Variants in RASSF5 observed in about 807,000 individuals in gnomAD.
The protein encoded by RASSF5 is ras association domain-containing protein 5.
Under a neutral mutation model 40.5 loss-of-function variants are expected in RASSF5, and 25 were observed. The ratio of observed to expected loss-of-function variants is 0.62; its 90% CI spans 0.45 to 0.86. RASSF5 has a LOEUF of 0.86. RASSF5 is among the 40% of genes least tolerant of loss of function. The pLI is 0.00. For synonymous variants in RASSF5, 246 were observed against 252.4 expected, an observed-to-expected ratio of 0.97 and a Z score of 0.24; for missense variants, 521 against 572.8, an observed-to-expected ratio of 0.91 and a Z score of 0.92.
chr1:206,545,948 G>C (rs1455347627), intron 2 of RASSF5, among the ~76,000 whole-genome samples: 8 of 145,420 alleles, frequency 5.5e-5, no homozygotes, highest in African/African-American at 2.0e-4. Context: ...TATTGATATA[G>C]CTAGATTTTT....
intron 1 of RASSF5, among the ~76,000 whole-genome samples, chr1:206,524,418 A>T (rs1431617507): frequency 7.1e-6 from 1 of 141,224 alleles, no homozygotes; most frequent in African/African-American, 2.6e-5. Context: ...AATACATTTT[A>T]TATATTATAG....
At chr1:206,528,830 G>T (rs530501265) in intron 1 of RASSF5, 1 of 404,018 alleles carries the variant, frequency 2.5e-6, no homozygotes, top group African/African-American at 2.1e-5. Flanking sequence ...TTGAGGCCAG[G>T]AGTTTGAGAC....
intron 2 of RASSF5, among the ~76,000 whole-genome samples, chr1:206,545,999 G>A (rs112182555): frequency 1.5e-3 from 218 of 143,634 alleles, no homozygotes; most frequent in African/African-American, 5.2e-3. Context: ...CACCCAGGCT[G>A]GAGTGCAGTG....
At chr1:206,523,917 A>T (rs1280622876) in intron 1 of RASSF5, among the ~76,000 whole-genome samples, 12 of 113,206 alleles carry the variant, frequency 1.1e-4, no homozygotes, top group African/African-American at 4.5e-4. Context: ...TTTATATATA[A>T]TATATATACC....
chr1:206,576,424 T>A (rs1368440820), intron 2 of RASSF5, among the ~76,000 whole-genome samples: 1 of 152,186 alleles, frequency 6.6e-6, no homozygotes, highest in Admixed American at 6.5e-5. Context: ...CATTGCAGAA[T>A]GGAGTAAAGT....
intron 1 of RASSF5, among the ~76,000 whole-genome samples, chr1:206,511,799 T>C (rs1419509001): frequency 6.6e-6 from 1 of 152,186 alleles, no homozygotes; most frequent in Admixed American, 6.5e-5. Flanking sequence ...TGCTACGCTA[T>C]TGGCTGGGTT....
chr1:206,567,549 C>T (rs1194930793), intron 2 of RASSF5, among the ~76,000 whole-genome samples: 1 of 152,040 alleles, frequency 6.6e-6, no homozygotes, highest in African/African-American at 2.4e-5. Context: ...TGGGAACCCA[C>T]ACCCAGCCTT....
intron 2 of RASSF5, chr1:206,557,767 C>G: frequency 6.5e-7 from 1 of 1,531,146 alleles, no homozygotes; most frequent in Non-Finnish European, 9.0e-7. Context: ...GAAGGGAAAC[C>G]TTGCTCCCAG....
At chr1:206,577,443 AT>A (rs112664902) in intron 2 of RASSF5, among the ~76,000 whole-genome samples, 2,879 of 152,226 alleles carry the variant, frequency 0.019, 91 homozygotes, top group African/African-American at 0.066. Context: ...CCATTATCTC[AT>A]TTGATTTTTA....
chr1:206,555,547 T>G (rs1028217920), intron 2 of RASSF5, among the ~76,000 whole-genome samples: 2 of 152,156 alleles, frequency 1.3e-5, no homozygotes, highest in African/African-American at 2.4e-5. Context: ...AAAAAAAGAT[T>G]GCTCCAGACA....
At chr1:206,562,742 C>T (rs1668177249) in intron 2 of RASSF5, among the ~76,000 whole-genome samples, 1 of 152,230 alleles carries the variant, frequency 6.6e-6, no homozygotes, top group Non-Finnish European at 1.5e-5. Flanking sequence ...ACCATCCTGG[C>T]TAACCTGGTG....
chr1:206,517,956 G>A (rs781953268), intron 1 of RASSF5, among the ~76,000 whole-genome samples: 9 of 152,028 alleles, frequency 5.9e-5, no homozygotes, highest in Non-Finnish European at 1.3e-4. Flanking sequence ...CTGTACAGCT[G>A]GTGAAGCATT....
intron 2 of RASSF5, among the ~76,000 whole-genome samples, chr1:206,559,931 T>G (rs1668092800): frequency 1.3e-5 from 2 of 152,156 alleles, no homozygotes; most frequent in African/African-American, 2.4e-5. Context: ...AAGGTTTCAG[T>G]CTTTCATTCT....
chr1:206,549,681 G>A (rs1420194823), intron 2 of RASSF5, among the ~76,000 whole-genome samples: 7 of 152,112 alleles, frequency 4.6e-5, no homozygotes, highest in African/African-American at 1.7e-4. Flanking sequence ...CCTTTTTAAG[G>A]TTTTAAGAGC....
chr1:206,561,165 C>G (rs1553402524), intron 2 of RASSF5, among the ~76,000 whole-genome samples: 1 of 152,188 alleles, frequency 6.6e-6, no homozygotes, highest in Admixed American at 6.5e-5. Context: ...TGCAGAATGT[C>G]AGAGCACCTC....
rs576513609 is a variant in RASSF5 at position 206,583,283 on chromosome 1, T to C, written c.594T>C (p.Pro198=). ...GTCTCTTCCAGAATGTCTGTAAACC[T>C]GTGGAGGAGACACAGCGCCCGCCCA... is the stretch of plus-strand genomic sequence containing the variant. ...TVTFSQNVCK[P]VEETQRPPTL... is the part of the protein sequence containing the mutation. The change falls in exon 3 of 6, where the codon CCT becomes CCC. Residue 198 remains proline, a synonymous_variant. Coordinates refer to ENST00000579436, the MANE Select transcript of RASSF5 (RefSeq NM_182663.4). 58 of 1,612,182 alleles carry C rather than the reference T, an allele frequency of 3.6e-5. 2 individuals carry two copies. The South Asian group carries it at 5.9e-4, about 16-fold the overall frequency.
intron 2 of RASSF5, among the ~76,000 whole-genome samples, chr1:206,562,246 G>A (rs148891295): frequency 6.6e-6 from 1 of 152,284 alleles, no homozygotes; most frequent in East Asian, 1.9e-4. Flanking sequence ...AGTTGGGGAG[G>A]TCCCCATCTC....
At chr1:206,523,428 T>C (rs1282841011) in intron 1 of RASSF5, among the ~76,000 whole-genome samples, 1 of 115,886 alleles carries the variant, frequency 8.6e-6, no homozygotes, top group East Asian at 2.1e-4. Context: ...ATATATTATA[T>C]AATATATTTT....
Position 206,555,490 on chromosome 1 carries a change from G to A in RASSF5, c.579+17197G>A, listed in dbSNP as rs192605139. Among the ~76,000 whole-genome samples, 21 of 149,758 alleles carry A rather than the reference G, an allele frequency of 1.4e-4. No individual in the cohort carries two copies. The East Asian group carries it at 3.9e-3, about 28-fold the overall frequency. On this transcript the variant is annotated intron_variant, in intron 2 of 5. Coordinates refer to ENST00000579436, the MANE Select transcript of RASSF5 (RefSeq NM_182663.4). ...GTTATTGATGGCCCAAGGATCACAG[G>A]AAACCACCTCTCTGGGGGAAACCCC...
Sources: allele counts gnomAD v4.1 joint callset (sites outside exome capture counted in the v4.1 genomes callset), GRCh38; gene constraint gnomAD v4.1.1; transcripts MANE v1.5; gene names NCBI Gene and HGNC (gene_info 2026-07-23, HGNC 2026-07-21).